The following RND2 variants were observed in gnomAD, a reference collection of about 807,000 sequenced individuals.
The protein encoded by RND2 is rho-related GTP-binding protein RhoN.
Under a neutral mutation model 25.9 loss-of-function variants are expected in RND2, and 16 were observed. That is an observed-to-expected ratio of 0.62 (90% confidence interval 0.42 to 0.94). The LOEUF (loss-of-function observed/expected upper bound fraction) is 0.94, where lower values mean the gene tolerates loss of function less well. Ranked by LOEUF, RND2 falls within the 40% of genes least tolerant of loss-of-function variation. RND2 has a pLI of 0.00. For missense variants in RND2, 276 were observed against 305.5 expected (o/e 0.90, Z 0.72); for synonymous variants, 97 against 118.1 (o/e 0.82, Z 1.16).
In RND2 at chr17:43,025,372, A is replaced by G. The variant is rs2050611531; in HGVS notation, c.25A>G (p.Lys9Glu). Residue 9 changes from lysine to glutamate, a missense_variant, in exon 1 of 5, where the codon AAG becomes GAG. Transcript: ENST00000587250. ...CATGGAGGGGCAGAGCGGCCGCTGC[A>G]AGATCGTGGTGGTGGGAGACGCAGA... Reference protein sequence around the residue: MEGQSGRCKIVVVGDAECG... With the variant: MEGQSGRCEIVVVGDAECG... 3 of 1,551,946 alleles carry G rather than the reference A, an allele frequency of 1.9e-6. No homozygotes were observed. Among genetic ancestry groups the G allele is most frequent in the Non-Finnish European group, 2.6e-6 (3 of 1,148,044 alleles).
In RND2 at chr17:43,025,305, C is replaced by T. The variant is rs1455282380; in HGVS notation, c.-43C>T. On this transcript the variant is annotated 5_prime_UTR_variant, in exon 1 of 5. Coordinates refer to ENST00000587250, the MANE Select transcript of RND2 (RefSeq NM_005440.5). ...GGGGCGGGGGAGGCGGCGGCGGGGC[C>T]CGGGAGAGGGGTGGCGTGGGGGACC... is the stretch of plus-strand genomic sequence containing the variant. The T allele has an allele frequency of 6.8e-7, 1 of 1,471,458 alleles. No individual in the cohort carries two copies. Among genetic ancestry groups the T allele is most frequent in the Non-Finnish European group, 9.0e-7 (1 of 1,106,920 alleles). 91.2% of individuals were successfully genotyped at this position (1,471,458 alleles called of 1,614,324 possible).
At chr17:43,026,236 C>T (rs2050622056) in intron 2 of RND2, 189 bp downstream of exon 2, 1 of 544,294 alleles carries the variant, frequency 1.8e-6, no homozygotes, top group East Asian at 2.8e-5. Flanking sequence ...GAAACCATGT[C>T]CTGAAGGAGA....
In RND2 at chr17:43,030,253, T is replaced by G. The variant is rs2050662134; in HGVS notation, c.*1573T>G. The G allele has an allele frequency of 6.5e-6, 1 of 152,926 alleles. No individual in the cohort carries two copies. The highest frequency in any genetic ancestry group is 6.6e-5 in the Admixed American group (1 of 15,262). 9.5% of individuals were successfully genotyped at this position (152,926 alleles called of 1,614,324 possible). On this transcript the variant is annotated 3_prime_UTR_variant, in exon 5 of 5. Coordinates refer to ENST00000587250, the MANE Select transcript of RND2 (RefSeq NM_005440.5). ...TCTGGTCCCACTGGCCTCTTTTCGG[T>G]GACATTCTCCCCCAGGAACCATCCC...
chr17:43,028,314 C>G, intron 4 of RND2, 118 bp from the exon 5 acceptor site: 1 of 1,582,258 alleles, frequency 6.3e-7, no homozygotes. Flanking sequence ...GACCTCTGAC[C>G]TGATCCCTTG....
intron 2 of RND2, 42 bp from the exon 3 acceptor site, chr17:43,027,141 C>A: frequency 1.5e-6 from 2 of 1,313,706 alleles, no homozygotes; most frequent in Non-Finnish European, 2.1e-6. Flanking sequence ...CCCTTCCAGG[C>A]CTCCCATCCA....
rs1197309588 is a variant in RND2 at position 43,025,444 on chromosome 17, C to T, written c.97C>T (p.Pro33Ser). The T allele has an allele frequency of 1.3e-6, 2 of 1,547,482 alleles. No individual in the cohort carries two copies. Among genetic ancestry groups the T allele is most frequent in the South Asian group, 1.2e-5 (1 of 83,908 alleles). ...GCAGGTGTTCGCCAAGGACGCCTATCCCGGGGTGAGGGACCTGCGTCTTGG... is the reference window on the plus strand; with the variant it reads ...GCAGGTGTTCGCCAAGGACGCCTATTCCGGGGTGAGGGACCTGCGTCTTGG... ...LLQVFAKDAY[P>S]GSYVPTVFEN... The change falls in exon 1 of 5, where the codon CCC becomes TCC. Residue 33 changes from proline to serine, a missense_variant. Transcript: ENST00000587250.
In RND2 at chr17:43,028,730, G is replaced by A. The variant is rs1179102192; in HGVS notation, c.*50G>A. On this transcript the variant is annotated 3_prime_UTR_variant, in exon 5 of 5. Coordinates refer to ENST00000587250, the MANE Select transcript of RND2 (RefSeq NM_005440.5). ...AAGAGGGGTGGTGAGGGACACAATTGTTCCCCTGCCTGCGCCCAGGCTTCC... is the reference window on the plus strand; with the variant it reads ...AAGAGGGGTGGTGAGGGACACAATTATTCCCCTGCCTGCGCCCAGGCTTCC... The A allele has an allele frequency of 1.3e-6, 2 of 1,508,380 alleles. No homozygotes were observed. Among genetic ancestry groups the A allele is most frequent in the Admixed American group, 2.0e-5 (1 of 50,048 alleles). The allele number at this position is 1,508,380 out of a possible 1,614,324, so 93.4% of individuals were successfully genotyped here. A position where few individuals can be genotyped will look rare whatever the true frequency, so the allele number is the denominator to read the frequency against.
chr17:43,025,583 C>G, intron 1 of RND2, 134 bp downstream of exon 1: 1 of 1,251,356 alleles, frequency 8.0e-7, no homozygotes, highest in East Asian at 2.6e-5. Flanking sequence ...CGCGGGGAGG[C>G]CTTGAGGGCT....
chr17:43,026,803 TAAG>T (rs2151974281), intron 2 of RND2, among the ~76,000 whole-genome samples: 1 of 152,182 alleles, frequency 6.6e-6, no homozygotes, highest in Non-Finnish European at 1.5e-5. Context: ...CCTCCCAACA[TAAG>T]GAGGGTTTTT....
chr17:43,025,519 C>G lies in RND2; in HGVS notation c.102+70C>G, dbSNP rs1357102712. 4 of 1,489,508 alleles carry G rather than the reference C, an allele frequency of 2.7e-6. No individual in the cohort carries two copies. In the East Asian group the frequency reaches 8.0e-5, roughly 30 times the overall value. The allele number at this position is 1,489,508 out of a possible 1,614,324, so 92.3% of individuals were successfully genotyped here. A position where few individuals can be genotyped will look rare whatever the true frequency, so the allele number is the denominator to read the frequency against. ...GGGTGGGTGACAGGGGCCCTGGCGA[C>G]GGATGGGAATGGGTACTCGGGTAAC... is the stretch of plus-strand genomic sequence containing the variant. On this transcript the variant is annotated intron_variant, in intron 1 of 4. Transcript: ENST00000587250.
In RND2 at chr17:43,025,851, C is replaced by T. The variant is rs2050618383; in HGVS notation, c.103-109C>T. 6.9e-6 allele frequency: 3 copies of T among 433,790 alleles called. No individual in the cohort carries two copies. The East Asian group carries it at 1.8e-4, about 26-fold the overall frequency. 26.9% of individuals were successfully genotyped at this position (433,790 alleles called of 1,614,324 possible). ...ATCTCCCCTTTGCCCAATCCCAGAC[C>T]AACTTGTGTCCAGGGGCTGGGCTGG... is the stretch of plus-strand genomic sequence containing the variant. On this transcript the variant is annotated intron_variant, in intron 1 of 4. Transcript: ENST00000587250.
Position 43,028,839 on chromosome 17 carries a change from T to C in RND2, c.*159T>C. 4.0e-6 allele frequency: 4 copies of C among 1,004,840 alleles called. No individual in the cohort carries two copies. Among genetic ancestry groups the C allele is most frequent in the Non-Finnish European group, 4.3e-6 (3 of 702,426 alleles). The allele number at this position is 1,004,840 out of a possible 1,614,324, so 62.2% of individuals were successfully genotyped here. A position where few individuals can be genotyped will look rare whatever the true frequency, so the allele number is the denominator to read the frequency against. ...GGAGCTGGAGGGCAGAAGGGTATCATCGTTTCTCATCTCCTCCTCCCTCCT... is the reference window on the plus strand; with the variant it reads ...GGAGCTGGAGGGCAGAAGGGTATCACCGTTTCTCATCTCCTCCTCCCTCCT... On this transcript the variant is annotated 3_prime_UTR_variant, in exon 5 of 5. Transcript: ENST00000587250.
Position 43,027,260 on chromosome 17 carries a change from C to T in RND2, c.268C>T (p.Arg90Ter), listed in dbSNP as rs781392124. ...TGTGCTCATCTGCTTCGACATTAGC[C>T]GACCAGAAACACTGGACAGTGTTCT... is the stretch of plus-strand genomic sequence containing the variant. ...DAVLICFDIS[R>*]PETLDSVLKK... The change falls in exon 3 of 5, where the codon CGA becomes TGA. Residue 90 changes from arginine (R) to a stop codon, truncating the protein, a stop_gained. Coordinates refer to ENST00000587250, the MANE Select transcript of RND2 (RefSeq NM_005440.5). LOFTEE classifies it high-confidence loss of function. 1.7e-5 allele frequency: 27 copies of T among 1,612,738 alleles called. No homozygotes were observed. Among genetic ancestry groups the T allele is most frequent in the South Asian group, 1.5e-4 (14 of 90,896 alleles).
chr17:43,025,354 GGGCAGAGC>G lies in RND2; in HGVS notation c.11_18del (p.Gln4ProfsTer36). 1 of 1,548,374 alleles carries G rather than the reference GGGCAGAGC, an allele frequency of 6.5e-7. No individual in the cohort carries two copies. The highest frequency in any genetic ancestry group is 2.0e-5 in the Admixed American group (1 of 50,842). ...CCGGCGCGTAGCCGGGACCATGGAG[GGGCAGAGC>G]GGCCGCTGCAAGATCGTGGTGGTGG... On this transcript the variant is annotated frameshift_variant, in exon 1 of 5. Transcript: ENST00000587250. LOFTEE classifies it high-confidence loss of function.
chr17:43,028,293 T>C, intron 4 of RND2, 98 bp downstream of exon 4: 1 of 1,590,354 alleles, frequency 6.3e-7, no homozygotes, highest in Non-Finnish European at 8.6e-7. Flanking sequence ...TCATCCTTTG[T>C]TCTGGTCTGT....
intron 3 of RND2, among the ~76,000 whole-genome samples, chr17:43,027,504 TA>T (rs1255858200): frequency 6.6e-6 from 1 of 151,998 alleles, no homozygotes; most frequent in Non-Finnish European, 1.5e-5. Context: ...ATACAGCAGC[TA>T]GGGGAGGTGG....
rs1484999885 is a variant in RND2, at chr17:43,028,811, A to C, written c.*131A>C. On this transcript the variant is annotated 3_prime_UTR_variant, in exon 5 of 5. Transcript: ENST00000587250. Reference sequence around the variant, plus strand: ...GCAGGCAGAGCGAGCAATTCTGGGCAGGGGAGCTGGAGGGCAGAAGGGTAT... The same window carrying C: ...GCAGGCAGAGCGAGCAATTCTGGGCCGGGGAGCTGGAGGGCAGAAGGGTAT... The C allele has an allele frequency of 5.9e-6, 8 of 1,359,586 alleles. No homozygotes were observed. The highest frequency in any genetic ancestry group is 7.9e-6 in the Non-Finnish European group (8 of 1,014,812). The allele number at this position is 1,359,586 out of a possible 1,614,324, so 84.2% of individuals were successfully genotyped here.
intron 1 of RND2, 127 bp from the exon 2 acceptor site, chr17:43,025,833 C>T (rs2050618184): frequency 4.2e-6 from 1 of 240,038 alleles, no homozygotes; most frequent in South Asian, 4.3e-5. Context: ...GGGATCTCCC[C>T]TTTGCCCAAT....
chr17:43,027,335 A>ATGGTGGTCTG, intron 3 of RND2, 43 bp downstream of exon 3: 9 of 1,352,202 alleles, frequency 6.7e-6, no homozygotes, highest in Non-Finnish European at 7.3e-6. Context: ...GAGGGGGACC[A>ATGGTGGTCTG]GACCACCATG....
Sources: allele counts gnomAD v4.1 joint callset (sites outside exome capture counted in the v4.1 genomes callset), GRCh38; gene constraint gnomAD v4.1.1; transcripts MANE v1.5; gene names NCBI Gene and HGNC (gene_info 2026-07-23, HGNC 2026-07-21).